SUGP2: variants seen among roughly 807,000 people sequenced by gnomAD.
The protein encoded by SUGP2 is SURP and G-patch domain containing 2.
Under a neutral mutation model 90.5 loss-of-function variants are expected in SUGP2, and 24 were observed. That is an observed-to-expected ratio of 0.27 (90% CI 0.19 to 0.37). The LOEUF is 0.37. SUGP2 is among the 10% of genes least tolerant of loss of function. SUGP2 has a pLI of 1.00. For missense variants in SUGP2, 1,233 were observed against 1,363.3 expected (o/e 0.90, Z 1.51); for synonymous variants, 473 against 513.4 (o/e 0.92, Z 1.06).
intron 6 of SUGP2, among the ~76,000 whole-genome samples, chr19:19,005,498 A>G (rs1191931399): frequency 1.3e-5 from 2 of 152,136 alleles, no homozygotes; most frequent in Non-Finnish European, 2.9e-5. Flanking sequence ...ACCAAGCACT[A>G]TAAAATGCCC....
At position 19,004,400 on chromosome 19, in the gene SUGP2, A is replaced by G; in HGVS notation, c.2697T>C (p.Asp899=). 1 of 1,613,794 alleles carries G rather than the reference A, an allele frequency of 6.2e-7. No individual in the cohort carries two copies. Among genetic ancestry groups the G allele is most frequent in the South Asian group, 1.1e-5 (1 of 91,068 alleles). The change falls in exon 7 of 11, where the codon GAT becomes GAC. Residue 899 remains aspartate, a synonymous_variant. Transcript: ENST00000452918. ...EVMPEEEDED[D]EDGGEEAPAP... is the part of the protein sequence containing the mutation. ...CGGGGGCCTCCTCTCCCCCATCCTC[A>G]TCGTCCTCGTCCTCCTCCTCAGGCA...
intron 9 of SUGP2, 82 bp downstream of exon 9, chr19:18,995,062 G>A: frequency 6.5e-7 from 1 of 1,536,216 alleles, no homozygotes; most frequent in Non-Finnish European, 8.8e-7. Context: ...AGCCATCTTG[G>A]CTGTGAAGGA....
chr19:19,004,041 C>A lies in SUGP2; in HGVS notation c.2929+127G>T. On this transcript the variant is annotated intron_variant, in intron 7 of 10. Transcript: ENST00000452918. ...GACCACTGGGAAACATGAGTGTCGG[C>A]TCACATTTTGGAGTGGTGCACAAAA... 4.2e-6 allele frequency: 3 copies of A among 721,866 alleles called. No individual in the cohort carries two copies. In the South Asian group the frequency reaches 5.8e-5, roughly 14 times the overall value. The allele number at this position is 721,866 out of a possible 1,614,324, so 44.7% of individuals were successfully genotyped here. A position where few individuals can be genotyped will look rare whatever the true frequency, so the allele number is the denominator to read the frequency against.
intron 4 of SUGP2, among the ~76,000 whole-genome samples, chr19:19,018,716 T>A (rs1028431714): frequency 2.6e-5 from 4 of 151,506 alleles, no homozygotes; most frequent in Non-Finnish European, 5.9e-5. Flanking sequence ...AAAGTTGTTC[T>A]ATTTACATAA....
chr19:19,010,889 C>T (rs1280575337), intron 4 of SUGP2, among the ~76,000 whole-genome samples: 1 of 152,068 alleles, frequency 6.6e-6, no homozygotes, highest in Non-Finnish European at 1.5e-5. Flanking sequence ...CCTGTAATCC[C>T]AGCACTTTGA....
In SUGP2 at chr19:19,033,442, G is replaced by GACCACCGCGCGCGGAGCC. The variant is rs1443676582; in HGVS notation, c.-35_-18dup. The GACCACCGCGCGCGGAGCC allele has an allele frequency of 1.3e-4, 183 of 1,390,418 alleles. 1 individual carries two copies. The highest frequency in any genetic ancestry group is 1.6e-4 in the Non-Finnish European group (168 of 1,071,356). 86.1% of individuals were successfully genotyped at this position (1,390,418 alleles called of 1,614,324 possible). A position where few individuals can be genotyped will look rare whatever the true frequency, so the allele number is the denominator to read the frequency against. On this transcript the variant is annotated 5_prime_UTR_variant, in exon 1 of 11. Transcript: ENST00000452918. ...CGCCAGGGCCCGGGCCTCACCCCGA[G>GACCACCGCGCGCGGAGCC]ACCACCGCGCGCGGAGCCACCCCCG...
At position 19,020,988 on chromosome 19, in the gene SUGP2, C is replaced by T. The variant is rs185147386; in HGVS notation, c.1730-1759G>A. 2.8e-3 allele frequency among the ~76,000 whole-genome samples: 423 copies of T among 151,716 alleles called. 3 individuals carry two copies. Among genetic ancestry groups the T allele is most frequent in the African/African-American group, 9.6e-3 (399 of 41,394 alleles). On this transcript the variant is annotated intron_variant, in intron 3 of 10. Transcript: ENST00000452918. Reference sequence around the variant, plus strand: ...CAGCCTGACCAACATGGAGAAACCCCGTCTCTACTAAAAATATAAAATTAG... The same window carrying T: ...CAGCCTGACCAACATGGAGAAACCCTGTCTCTACTAAAAATATAAAATTAG...
intron 7 of SUGP2, among the ~76,000 whole-genome samples, chr19:19,002,680 A>T (rs1301986515): frequency 6.6e-6 from 1 of 151,706 alleles, no homozygotes; most frequent in Non-Finnish European, 1.5e-5. Context: ...CGCCTCGCTA[A>T]TTCTGTATTT....
chr19:19,005,035 C>T (rs577068340), intron 6 of SUGP2, among the ~76,000 whole-genome samples: 2 of 152,320 alleles, frequency 1.3e-5, no homozygotes, highest in South Asian at 2.1e-4. Context: ...GTATGAGAAG[C>T]ATGGAGCGAT....
At chr19:19,012,862 T>C (rs996127444) in intron 4 of SUGP2, among the ~76,000 whole-genome samples, 1 of 152,234 alleles carries the variant, frequency 6.6e-6, no homozygotes, top group Admixed American at 6.5e-5. Context: ...GTTTTGGACT[T>C]AAATGATTTT....
chr19:19,030,285 T>A (rs967780093), intron 2 of SUGP2, among the ~76,000 whole-genome samples: 1 of 151,520 alleles, frequency 6.6e-6, no homozygotes, highest in Admixed American at 6.6e-5. Context: ...AGGTCGGGAG[T>A]TCGAGACCAG....
intron 4 of SUGP2, among the ~76,000 whole-genome samples, chr19:19,016,984 G>C (rs138601615): frequency 1.1e-3 from 165 of 152,248 alleles, no homozygotes; most frequent in African/African-American, 3.8e-3. Flanking sequence ...CCTTCCCCTT[G>C]GTAAATCATG....
chr19:19,023,671 GGT>G (rs750682551), intron 3 of SUGP2, among the ~76,000 whole-genome samples: 1 of 152,126 alleles, frequency 6.6e-6, no homozygotes, highest in Non-Finnish European at 1.5e-5. Context: ...GGCTGAGGCA[GGT>G]AGATCACTTG....
At chr19:19,032,118 A>G (rs2059185558) in intron 1 of SUGP2, among the ~76,000 whole-genome samples, 1 of 151,888 alleles carries the variant, frequency 6.6e-6, no homozygotes, top group Non-Finnish European at 1.5e-5. Context: ...GTGGGACCAC[A>G]ACCCTCGCAA....
intron 2 of SUGP2, among the ~76,000 whole-genome samples, 157 bp from the exon 3 acceptor site, chr19:19,026,383 T>C (rs984542533): frequency 2.6e-5 from 4 of 152,214 alleles, no homozygotes; most frequent in South Asian, 2.1e-4. Context: ...GCTGCCAACA[T>C]TTAAAATGCG....
chr19:19,004,877 C>T (rs905668180), intron 6 of SUGP2, among the ~76,000 whole-genome samples: 1 of 152,148 alleles, frequency 6.6e-6, no homozygotes, highest in African/African-American at 2.4e-5. Context: ...AACTGCTTTC[C>T]AGGGGACAGA....
intron 6 of SUGP2, among the ~76,000 whole-genome samples, chr19:19,006,423 G>C (rs2145421749): frequency 6.6e-6 from 1 of 152,058 alleles, no homozygotes; most frequent in South Asian, 2.1e-4. Flanking sequence ...CAGGATCCAG[G>C]GCTCTCCTTC....
In SUGP2 at chr19:19,033,457, A is replaced by G. The variant is rs2145818574; in HGVS notation, c.-32T>C. On this transcript the variant is annotated 5_prime_UTR_variant, in exon 1 of 11. Transcript: ENST00000452918. ...CTCACCCCGAGACCACCGCGCGCGG[A>G]GCCACCCCCGCCGCCGCCTCAGGCT... The G allele has an allele frequency of 2.9e-6, 4 of 1,397,204 alleles. No individual in the cohort carries two copies. Among genetic ancestry groups the G allele is most frequent in the Non-Finnish European group, 3.7e-6 (4 of 1,075,358 alleles). The allele number at this position is 1,397,204 out of a possible 1,614,324, so 86.6% of individuals were successfully genotyped here.
chr19:19,028,697 CT>C (rs1200670704), intron 2 of SUGP2, among the ~76,000 whole-genome samples: 1 of 152,162 alleles, frequency 6.6e-6, no homozygotes, highest in Admixed American at 6.5e-5. Context: ...CCACGGCCCC[CT>C]AATCTGTCTT....
Sources: allele counts gnomAD v4.1 joint callset (sites outside exome capture counted in the v4.1 genomes callset), GRCh38; gene constraint gnomAD v4.1.1; transcripts MANE v1.5; gene names NCBI Gene and HGNC (gene_info 2026-07-23, HGNC 2026-07-21).